Variants in SEH1L observed in about 807,000 individuals in gnomAD.
The protein encoded by SEH1L is SEH1 like nucleoporin.
A neutral mutation model predicts 49.5 loss-of-function variants in SEH1L; 18 were observed. That is an observed-to-expected ratio of 0.36 (90% CI 0.25 to 0.54). The LOEUF (loss-of-function observed/expected upper bound fraction) is 0.54. SEH1L is among the 20% of genes least tolerant of loss of function. SEH1L has a pLI of 0.87. For missense variants in SEH1L, 404 were observed against 528.8 expected (o/e 0.76, Z 2.31); for synonymous variants, 169 against 178.1 (o/e 0.95, Z 0.41).
chr18:12,964,457 G>C (rs2031340505), intron 4 of SEH1L: 1 of 152,012 alleles, frequency 6.6e-6, no homozygotes, highest in Non-Finnish European at 1.5e-5. Flanking sequence ...TGATAGAAAA[G>C]ATGAATAGAG....
intron 3 of SEH1L, among the ~76,000 whole-genome samples, chr18:12,960,789 T>G (rs903422662): frequency 2.0e-5 from 3 of 152,248 alleles, no homozygotes; most frequent in Admixed American, 2.0e-4. Flanking sequence ...TTTAGTCATC[T>G]TTCATTAATA....
chr18:12,948,278 G>A, intron 1 of SEH1L, 46 bp downstream of exon 1: 2 of 1,424,138 alleles, frequency 1.4e-6, no homozygotes, highest in Non-Finnish European at 2.0e-6. Context: ...AAGGAAGGAA[G>A]GGGAGTGGGT....
intron 5 of SEH1L, chr18:12,977,091 A>G (rs2145653818): frequency 6.6e-6 from 1 of 152,388 alleles, no homozygotes; most frequent in East Asian, 1.9e-4. Flanking sequence ...AAGGATGTGG[A>G]TGAGATTGCT....
chr18:12,982,062 C>T lies in SEH1L; in HGVS notation c.762-456C>T, dbSNP rs557658166. On this transcript the variant is annotated intron_variant, in intron 6 of 8. Coordinates refer to ENST00000399892, the MANE Select transcript of SEH1L (RefSeq NM_001013437.2). ...TGTATTTTTAGTAGGGATGGGGTTTCGCCATGTTGGCCAGGCTGGTCTTGA... is the reference window on the plus strand; with the variant it reads ...TGTATTTTTAGTAGGGATGGGGTTTTGCCATGTTGGCCAGGCTGGTCTTGA... Among the ~76,000 whole-genome samples the T allele has an allele frequency of 2.4e-4, 36 of 152,008 alleles. 1 individual carries two copies. The Middle Eastern group carries it at 0.017, about 72-fold the overall frequency.
chr18:12,962,465 T>C (rs1337260647), intron 3 of SEH1L, among the ~76,000 whole-genome samples: 2 of 122,684 alleles, frequency 1.6e-5, no homozygotes, highest in East Asian at 2.6e-4. Context: ...CTTTCTTTTT[T>C]TTTTTTTTTT....
At chr18:12,956,098 G>A (rs1335512373) in intron 3 of SEH1L, among the ~76,000 whole-genome samples, 1 of 149,998 alleles carries the variant, frequency 6.7e-6, no homozygotes. Flanking sequence ...AGGCTGGAGT[G>A]CAGTGGCACA....
intron 5 of SEH1L, 67 bp from the exon 6 acceptor site, chr18:12,978,685 T>C: frequency 7.5e-7 from 1 of 1,324,602 alleles, no homozygotes; most frequent in Non-Finnish European, 1.1e-6. Context: ...AAAGGTGAGA[T>C]GCAGTGATGT....
rs1359989046 is a variant in SEH1L at position 12,980,847 on chromosome 18, C to T, written c.762-1671C>T. ...CTGACCCCCCCACTTCCCTTCCGGA[C>T]GGGGCGGCTGGCCGGGCGGGGGGCT... is the stretch of plus-strand genomic sequence containing the variant. On this transcript the variant is annotated intron_variant, in intron 6 of 8. Transcript: ENST00000399892. Among the ~76,000 whole-genome samples, 131 of 139,618 alleles carry T rather than the reference C, an allele frequency of 9.4e-4. 1 individual carries two copies. Among genetic ancestry groups the T allele is most frequent in the African/African-American group, 3.2e-3 (118 of 37,368 alleles). 91.6% of individuals were successfully genotyped at this position (139,618 alleles called of 152,430 possible).
At chr18:12,986,777 A>G (rs192903406) in intron 8 of SEH1L, 85 bp from the exon 9 acceptor site, 5 of 1,155,314 alleles carry the variant, frequency 4.3e-6, no homozygotes, top group Admixed American at 1.1e-4. Context: ...TTCTCTTTGT[A>G]TTTACTACTT....
intron 1 of SEH1L, among the ~76,000 whole-genome samples, chr18:12,950,635 G>C (rs2145601119): frequency 6.6e-6 from 1 of 152,280 alleles, no homozygotes; most frequent in East Asian, 1.9e-4. Flanking sequence ...GCTAATTCTA[G>C]AAGATAAATT....
At chr18:12,979,728 C>T (rs1396209936) in intron 6 of SEH1L, among the ~76,000 whole-genome samples, 2 of 140,470 alleles carry the variant, frequency 1.4e-5, no homozygotes, top group African/African-American at 2.7e-5. Context: ...CCGGACGGGG[C>T]GGCTGGCCGG....
intron 6 of SEH1L, among the ~76,000 whole-genome samples, chr18:12,981,849 CATTT>C (rs2032277875): frequency 9.8e-6 from 1 of 102,504 alleles, no homozygotes; most frequent in Admixed American, 1.0e-4. Context: ...CTGCCCTGCC[CATTT>C]TTTTTTTTTT....
chr18:12,971,094 C>T (rs201118640), intron 4 of SEH1L, 59 bp from the exon 5 acceptor site: 2 of 1,223,990 alleles, frequency 1.6e-6, no homozygotes, highest in East Asian at 4.7e-5. Context: ...TGTGTTCATT[C>T]TGTGAATGAA....
intron 2 of SEH1L, among the ~76,000 whole-genome samples, chr18:12,953,437 G>A (rs2030668854): frequency 6.6e-6 from 1 of 152,184 alleles, no homozygotes; most frequent in Non-Finnish European, 1.5e-5. Context: ...TTCCAAAGTG[G>A]CTGTGCCCAC....
intron 5 of SEH1L, chr18:12,972,580 G>A (rs143470021): frequency 1.2e-4 from 19 of 152,272 alleles, no homozygotes; most frequent in African/African-American, 4.3e-4. Context: ...CTTAGGCAGG[G>A]CCAGCAGTAG....
chr18:12,966,193 A>G (rs890691268), intron 4 of SEH1L, among the ~76,000 whole-genome samples: 14 of 151,034 alleles, frequency 9.3e-5, no homozygotes, highest in Non-Finnish European at 1.8e-4. Flanking sequence ...CCTGGGTTTA[A>G]GAGATTCTCC....
intron 6 of SEH1L, among the ~76,000 whole-genome samples, chr18:12,979,562 C>T (rs890298413): frequency 3.3e-5 from 5 of 152,216 alleles, no homozygotes; most frequent in African/African-American, 1.2e-4. Flanking sequence ...TCATCATGGC[C>T]TGTTCTCAAT....
At position 12,963,146 on chromosome 18, in the gene SEH1L, TA is replaced by T. The variant is rs528565113; in HGVS notation, c.310-13del. On this transcript the variant is annotated splice_polypyrimidine_tract_variant and intron_variant, in intron 3 of 8. Coordinates refer to ENST00000399892, the MANE Select transcript of SEH1L (RefSeq NM_001013437.2). ...TTTTGTATATAATTTAAATTGTTAT[TA>T]TTTTTTTTTTAGGTTAAAAGGACAA... 8.9e-4 allele frequency: 1,388 copies of T among 1,553,054 alleles called. 1 individual carries two copies. The highest frequency in any genetic ancestry group is 9.6e-4 in the Non-Finnish European group (1,088 of 1,137,498).
In SEH1L at chr18:12,981,165, TCCTCACTTCCTAGATGGGATG is replaced by T. The variant is rs1181738139; in HGVS notation, c.762-1352_762-1332del. ...ATGATGGGCGGCCGGGCAGAGACGC[TCCTCACTTCCTAGATGGGATG>T]GCGGCCGGGCAGAGACGCTCCTCAC... On this transcript the variant is annotated intron_variant, in intron 6 of 8. Transcript: ENST00000399892. 6.0e-5 allele frequency among the ~76,000 whole-genome samples: 9 copies of T among 151,244 alleles called. No homozygotes were observed. In the East Asian group the frequency reaches 1.8e-3, roughly 30 times the overall value.
Sources: allele counts gnomAD v4.1 joint callset (sites outside exome capture counted in the v4.1 genomes callset), GRCh38; gene constraint gnomAD v4.1.1; transcripts MANE v1.5; gene names NCBI Gene and HGNC (gene_info 2026-07-23, HGNC 2026-07-21).